The following PTPRD variants were observed in gnomAD, a reference collection of about 807,000 sequenced individuals.
PTPRD encodes receptor-type tyrosine-protein phosphatase delta.
In PTPRD, 34 loss-of-function variants were observed where a neutral mutation model predicts 214.5. The ratio of observed to expected loss-of-function variants is 0.16; its 90% confidence interval spans 0.12 to 0.21. The LOEUF is 0.21. PTPRD is among the 10% of genes least tolerant of loss of function. The probability of loss-of-function intolerance (pLI) is 1.00; values close to 1 mark genes in which losing one functional copy is unlikely to be tolerated. For synonymous variants in PTPRD, 1,128 were observed against 845.7 expected, an observed-to-expected ratio of 1.33 and a Z score of -5.79; for missense variants, 2,545 against 2,398.7, an observed-to-expected ratio of 1.06 and a Z score of -1.27.
At chr9:8,847,385 TAAA>T (rs2097719950) in intron 11 of PTPRD, among the ~76,000 whole-genome samples, 2 of 152,116 alleles carry the variant, frequency 1.3e-5, no homozygotes, top group South Asian at 4.1e-4. Context: ...ACATATTACC[TAAA>T]AAAGTACACC....
intron 9 of PTPRD, among the ~76,000 whole-genome samples, chr9:9,239,973 C>G (rs2130884912): frequency 6.6e-6 from 1 of 152,200 alleles, no homozygotes; most frequent in East Asian, 1.9e-4. Flanking sequence ...GTCTCAGAGG[C>G]CTTGGTTAAG....
At chr9:9,939,160 G>A (rs2090618961) in intron 4 of PTPRD, among the ~76,000 whole-genome samples, 1 of 152,112 alleles carries the variant, frequency 6.6e-6, no homozygotes, top group Non-Finnish European at 1.5e-5. Context: ...AAACGCACCA[G>A]AGTGTTGCTA....
intron 12 of PTPRD, among the ~76,000 whole-genome samples, chr9:8,705,524 T>A (rs1371555879): frequency 6.6e-6 from 1 of 152,254 alleles, no homozygotes; most frequent in Non-Finnish European, 1.5e-5. Flanking sequence ...ATTTCCTGAT[T>A]ACTTGGGAAC....
chr9:9,765,810 A>G (rs1019249984), intron 6 of PTPRD, among the ~76,000 whole-genome samples: 3 of 151,084 alleles, frequency 2.0e-5, no homozygotes, highest in African/African-American at 4.9e-5. Flanking sequence ...ACAGGCACCC[A>G]CCACCACCCC....
chr9:8,725,095 A>C (rs1016128595), intron 12 of PTPRD, among the ~76,000 whole-genome samples: 1 of 152,312 alleles, frequency 6.6e-6, no homozygotes, highest in East Asian at 1.9e-4. Context: ...AGGAAAACTG[A>C]ATGAAAGCTA....
chr9:8,934,434 T>A (rs76396765), intron 11 of PTPRD, among the ~76,000 whole-genome samples: 1,054 of 53,810 alleles, frequency 0.02, 31 homozygotes, highest in Middle Eastern at 0.08. Context: ...TATATATATA[T>A]AAATATATAT....
intron 12 of PTPRD, among the ~76,000 whole-genome samples, chr9:8,718,487 G>C (rs2098459625): frequency 6.6e-6 from 1 of 152,114 alleles, no homozygotes; most frequent in African/African-American, 2.4e-5. Flanking sequence ...TTCAGAAATA[G>C]TAGTTCTCCA....
chr9:8,467,326 C>G (rs1244342369), intron 31 of PTPRD, among the ~76,000 whole-genome samples: 1 of 151,836 alleles, frequency 6.6e-6, no homozygotes, highest in Non-Finnish European at 1.5e-5. Flanking sequence ...GTAGCACTAT[C>G]TTTTAATCTT....
At chr9:9,103,292 T>G (rs2099793791) in intron 10 of PTPRD, among the ~76,000 whole-genome samples, 1 of 152,202 alleles carries the variant, frequency 6.6e-6, no homozygotes, top group Non-Finnish European at 1.5e-5. Context: ...GGAAATAGTT[T>G]TTGTTTGTTT....
chr9:8,844,066 G>C lies in PTPRD; in HGVS notation c.-103-110120C>G, dbSNP rs78625560. ...GTGTTTGGTTCTCTCTCATCCAGACGTATGGAAACATAATGTAATCTGTCA... is the reference window on the plus strand; with the variant it reads ...GTGTTTGGTTCTCTCTCATCCAGACCTATGGAAACATAATGTAATCTGTCA... On this transcript the variant is annotated intron_variant, in intron 11 of 45. Transcript: ENST00000381196. 5.5e-3 allele frequency among the ~76,000 whole-genome samples: 840 copies of C among 152,222 alleles called. 18 individuals carry two copies. The highest frequency in any genetic ancestry group is 2.8e-3 in the Non-Finnish European group (191 of 68,024).
At chr9:8,628,880 T>C (rs1326837001) in intron 14 of PTPRD, among the ~76,000 whole-genome samples, 1 of 151,838 alleles carries the variant, frequency 6.6e-6, no homozygotes, top group African/African-American at 2.4e-5. Context: ...CTAGCATGTT[T>C]AGACAATAAT....
intron 10 of PTPRD, among the ~76,000 whole-genome samples, chr9:9,082,293 G>A (rs563276504): frequency 1.8e-4 from 27 of 152,186 alleles, no homozygotes; most frequent in Non-Finnish European, 2.9e-5. Flanking sequence ...GGACACAAGG[G>A]TGGTTCAACA....
At chr9:9,173,598 G>T (rs2099922810) in intron 10 of PTPRD, among the ~76,000 whole-genome samples, 1 of 152,092 alleles carries the variant, frequency 6.6e-6, no homozygotes, top group African/African-American at 2.4e-5. Flanking sequence ...TGTACAGCAT[G>T]CTGCTGTGTT....
chr9:10,098,525 A>T (rs2154210542), intron 3 of PTPRD, among the ~76,000 whole-genome samples: 1 of 151,888 alleles, frequency 6.6e-6, no homozygotes, highest in African/African-American at 2.4e-5. Context: ...TAAAAATAAA[A>T]AATGCTACTT....
intron 8 of PTPRD, among the ~76,000 whole-genome samples, chr9:9,526,585 G>A (rs933043010): frequency 6.6e-6 from 1 of 152,144 alleles, no homozygotes; most frequent in African/African-American, 2.4e-5. Context: ...TATCAGAAAT[G>A]TGTAAGCAAA....
chr9:10,425,237 G>C (rs957313360), intron 2 of PTPRD, among the ~76,000 whole-genome samples: 2 of 151,836 alleles, frequency 1.3e-5, no homozygotes, highest in Admixed American at 6.6e-5. Flanking sequence ...TCAAATGTTT[G>C]CTTCATAAAG....
At chr9:9,549,470 T>C (rs2079649935) in intron 8 of PTPRD, among the ~76,000 whole-genome samples, 1 of 152,076 alleles carries the variant, frequency 6.6e-6, no homozygotes, top group African/African-American at 2.4e-5. Context: ...GAAACCATCA[T>C]AAGATGCCGC....
chr9:9,334,913 A>C (rs1405034825), intron 9 of PTPRD, among the ~76,000 whole-genome samples: 2 of 151,984 alleles, frequency 1.3e-5, no homozygotes, highest in African/African-American at 2.4e-5. Context: ...ATTCAAAATA[A>C]GTTAATAGTA....
chr9:9,055,054 C>T (rs1220932467), intron 10 of PTPRD, among the ~76,000 whole-genome samples: 1 of 152,086 alleles, frequency 6.6e-6, no homozygotes, highest in East Asian at 1.9e-4. Flanking sequence ...TTGCTGGTGA[C>T]AGTAGATATT....
Sources: gnomAD v4.1 joint callset for allele counts (sites outside exome capture counted in the v4.1 genomes callset) on GRCh38, gnomAD v4.1.1 for gene constraint, MANE v1.5 for transcripts, NCBI Gene and HGNC (gene_info 2026-07-23, HGNC 2026-07-21) for gene names.